WDR20: variants seen among roughly 807,000 people sequenced by gnomAD.
The protein encoded by WDR20 is WD repeat domain 20.
Under a neutral mutation model 38.7 loss-of-function variants are expected in WDR20, and 3 were observed. The ratio of observed to expected loss-of-function variants is 0.08; its 90% CI spans 0.04 to 0.20. The LOEUF is 0.20. Among genes scored for constraint, WDR20 ranks in the 10% least tolerant of loss-of-function variants. WDR20 has a pLI of 1.00. For missense variants in WDR20, 559 were observed against 727.7 expected (o/e 0.77, Z 2.67); for synonymous variants, 298 against 285.6 (o/e 1.04, Z -0.44).
intron 1 of WDR20, among the ~76,000 whole-genome samples, chr14:102,181,692 G>T (rs2063416922): frequency 6.6e-6 from 1 of 152,076 alleles, no homozygotes; most frequent in South Asian, 2.1e-4. Context: ...TAAGCTAGTA[G>T]TTGCAAAATT....
At chr14:102,163,145 C>A (rs569863908) in intron 1 of WDR20, among the ~76,000 whole-genome samples, 15 of 152,162 alleles carry the variant, frequency 9.9e-5, no homozygotes, top group African/African-American at 3.6e-4. Context: ...TGGATTAATG[C>A]CATTATTGAG....
chr14:102,152,634 G>C (rs2056318776), intron 1 of WDR20, among the ~76,000 whole-genome samples: 1 of 151,916 alleles, frequency 6.6e-6, no homozygotes. Context: ...AGGATGGCCT[G>C]GATCTCTTGC....
Position 102,180,080 on chromosome 14 carries a change from G to A in WDR20, c.250-14858G>A, listed in dbSNP as rs574687705. On this transcript the variant is annotated intron_variant, in intron 1 of 2. Transcript: ENST00000342702. ...AGGCAGGAGAATCACTTGAACCCAG[G>A]AGATGGAGGTTTCAGTCAGCTGAGA... Among the ~76,000 whole-genome samples the A allele has an allele frequency of 7.2e-5, 11 of 152,278 alleles. No individual in the cohort carries two copies. In the South Asian group the frequency reaches 1.9e-3, roughly 26 times the overall value.
At chr14:102,159,302 C>T (rs2058141856) in intron 1 of WDR20, among the ~76,000 whole-genome samples, 1 of 152,132 alleles carries the variant, frequency 6.6e-6, no homozygotes, top group South Asian at 2.1e-4. Context: ...TTCTCAGCTA[C>T]TTCTTAGAGC....
At chr14:102,165,177 G>T (rs893279320) in intron 1 of WDR20, among the ~76,000 whole-genome samples, 1 of 152,012 alleles carries the variant, frequency 6.6e-6, no homozygotes, top group African/African-American at 2.4e-5. Context: ...CCAGTCATGG[G>T]TGTGGTGATA....
At chr14:102,199,073 T>A (rs1376012777) in intron 2 of WDR20, among the ~76,000 whole-genome samples, 1 of 152,108 alleles carries the variant, frequency 6.6e-6, no homozygotes, top group Non-Finnish European at 1.5e-5. Flanking sequence ...CTGATTATAC[T>A]CCAAGATTCT....
chr14:102,150,051 C>T (rs1168749205), intron 1 of WDR20, among the ~76,000 whole-genome samples: 1 of 152,068 alleles, frequency 6.6e-6, no homozygotes, highest in Admixed American at 6.6e-5. Flanking sequence ...AAAAACATGC[C>T]AAATCAGTTT....
chr14:102,172,113 C>T (rs568861714), intron 1 of WDR20, among the ~76,000 whole-genome samples: 4 of 151,374 alleles, frequency 2.6e-5, no homozygotes, highest in East Asian at 3.9e-4. Flanking sequence ...TGACTCTTAA[C>T]GAGCATGCTG....
At chr14:102,139,826 A>G, upstream of WDR20, 2 of 1,528,294 alleles carry the variant, frequency 1.3e-6, no homozygotes, top group Non-Finnish European at 1.8e-6. Context: ...GGCGAGAAGG[A>G]AGAGGCAGGG....
chr14:102,203,113 C>T (rs1020780102), intron 2 of WDR20, among the ~76,000 whole-genome samples: 3 of 152,290 alleles, frequency 2.0e-5, no homozygotes, highest in Non-Finnish European at 2.9e-5. Flanking sequence ...TTGCATTCTG[C>T]ACCTACTGCT....
chr14:102,203,168 C>A (rs1037727152), intron 2 of WDR20, among the ~76,000 whole-genome samples: 1 of 152,236 alleles, frequency 6.6e-6, no homozygotes, highest in African/African-American at 2.4e-5. Flanking sequence ...TAGAAACTGT[C>A]TGTGCCTCCA....
chr14:102,161,142 A>ATATATATATATATATTTTT, intron 1 of WDR20, among the ~76,000 whole-genome samples: 7 of 16,050 alleles, frequency 4.4e-4, no homozygotes, highest in Admixed American at 1.2e-3. Flanking sequence ...ATATATATAT[A>ATATATATATATATATTTTT]TTTTTTTTTT....
intron 1 of WDR20, among the ~76,000 whole-genome samples, chr14:102,150,047 A>C (rs983831618): frequency 3.9e-5 from 6 of 152,220 alleles, no homozygotes; most frequent in African/African-American, 1.4e-4. Context: ...TTCTAAAAAC[A>C]TGCCAAATCA....
intron 2 of WDR20, chr14:102,197,794 G>A: frequency 1.4e-6 from 1 of 702,824 alleles, no homozygotes; most frequent in Non-Finnish European, 2.6e-6. Context: ...TTGGAATGAA[G>A]AAAGACAGAA....
Position 102,207,851 on chromosome 14 carries a change from C to T in WDR20, c.433-752C>T, listed in dbSNP as rs2061835160. On this transcript the variant is annotated intron_variant, in intron 2 of 2. Transcript: ENST00000342702. This position sits in a 1 kb window ranked among gnomAD's most constrained non-coding sequence, Gnocchi z 5.0. ...ACGCCTGTTAAAGAAACATCTCGGTCAGGGGTCCAAAGTTAGCATATGGAG... is the reference window on the plus strand; with the variant it reads ...ACGCCTGTTAAAGAAACATCTCGGTTAGGGGTCCAAAGTTAGCATATGGAG... 6.6e-6 allele frequency among the ~76,000 whole-genome samples: 1 copy of T among 152,168 alleles called. No individual in the cohort carries two copies. Among genetic ancestry groups the T allele is most frequent in the African/African-American group, 2.4e-5 (1 of 41,426 alleles).
chr14:102,188,872 CAAAAAAAA>C (rs34508888), intron 1 of WDR20, among the ~76,000 whole-genome samples: 6,977 of 97,606 alleles, frequency 0.071, 184 homozygotes, highest in Middle Eastern at 0.095. Context: ...GACCCTGTTT[CAAAAAAAA>C]AAAAAAAAAA....
At chr14:102,205,892 C>G (rs2061445343) in intron 2 of WDR20, among the ~76,000 whole-genome samples, 1 of 152,072 alleles carries the variant, frequency 6.6e-6, no homozygotes, top group Admixed American at 6.5e-5. Flanking sequence ...AATTAGGCCC[C>G]CACAGGGGGA....
chr14:102,143,467 C>A (rs2052263309), intron 1 of WDR20, among the ~76,000 whole-genome samples: 2 of 152,038 alleles, frequency 1.3e-5, no homozygotes, highest in African/African-American at 2.4e-5. Context: ...TAATACCAGG[C>A]AAGGTGATGT....
At chr14:102,155,102 T>C (rs1480460566) in intron 1 of WDR20, among the ~76,000 whole-genome samples, 1 of 152,188 alleles carries the variant, frequency 6.6e-6, no homozygotes, top group African/African-American at 2.4e-5. Flanking sequence ...ATATTTTGCC[T>C]TTTGTACGAT....
Sources: gnomAD v4.1 joint callset for allele counts (sites outside exome capture counted in the v4.1 genomes callset) on GRCh38, gnomAD v4.1.1 for gene constraint, Gnocchi (gnomAD v3.1) non-coding constraint, MANE v1.5 for transcripts, NCBI Gene and HGNC (gene_info 2026-07-23, HGNC 2026-07-21) for gene names.